The following SDSL variants were observed in gnomAD, a reference collection of about 807,000 sequenced individuals.
SDSL encodes the protein serine dehydratase like.
SDSL carries 26 observed loss-of-function variants against 27.6 expected under a neutral mutation model. That is an observed-to-expected ratio of 0.94 (90% CI 0.69 to 1.31). The LOEUF is 1.31. SDSL is among the 50% of genes most tolerant of loss of function. The pLI is 0.00. For missense variants in SDSL, 431 were observed against 423.5 expected (o/e 1.02, Z -0.16); for synonymous variants, 196 against 180.6 (o/e 1.09, Z -0.69).
intron 4 of SDSL, among the ~76,000 whole-genome samples, chr12:113,432,955 T>C (rs1460262344): frequency 6.6e-6 from 1 of 152,228 alleles, no homozygotes. Flanking sequence ...TCTTTGCTAT[T>C]GTGAGTACTG....
chr12:113,425,634 A>G (rs1291131391), intron 1 of SDSL: 4 of 451,586 alleles, frequency 8.9e-6, no homozygotes, highest in South Asian at 1.6e-5. Context: ...CCTCCCTCTC[A>G]TTTCCTCCAT....
At chr12:113,435,616 G>T in intron 6 of SDSL, 60 bp downstream of exon 6, 1 of 1,426,276 alleles carries the variant, frequency 7.0e-7, no homozygotes, top group Non-Finnish European at 9.7e-7. Context: ...CTGTCCTAGG[G>T]CCTTCCAGTC....
At chr12:113,425,808 T>C (rs756057844) in intron 1 of SDSL, 2 of 438,228 alleles carry the variant, frequency 4.6e-6, no homozygotes, top group South Asian at 3.2e-5. Context: ...GCCAACATGG[T>C]GAAACCCCGT....
chr12:113,432,445 G>A (rs1465357540), intron 4 of SDSL, among the ~76,000 whole-genome samples: 1 of 151,872 alleles, frequency 6.6e-6, no homozygotes, highest in Non-Finnish European at 1.5e-5. Flanking sequence ...GGGTTCAAGC[G>A]ATTCCGCTGC....
chr12:113,428,611 C>A, intron 3 of SDSL, 152 bp downstream of exon 3: 1 of 650,094 alleles, frequency 1.5e-6, no homozygotes. Context: ...CCATCCTAGC[C>A]TTCTCCCATA....
rs151288067 is a variant in SDSL at position 113,433,750 on chromosome 12, C to A, written c.355-384C>A. ...GGGCCATTGCTGGTTTCCACGGACA[C>A]ACTCTATGGTGACCAAGTTGCTATC... On this transcript the variant is annotated intron_variant, in intron 4 of 7. Coordinates refer to ENST00000403593, the MANE Select transcript of SDSL (RefSeq NM_001304993.2). Among the ~76,000 whole-genome samples the A allele has an allele frequency of 1.9e-3, 283 of 152,292 alleles. 1 individual carries two copies. Among genetic ancestry groups the A allele is most frequent in the South Asian group, 0.014 (68 of 4,824 alleles).
intron 1 of SDSL, chr12:113,425,884 G>A (rs1456425497): frequency 2.6e-6 from 1 of 378,994 alleles, no homozygotes; most frequent in East Asian, 7.3e-5. Context: ...AGTTACTCGG[G>A]AGGCTGAGGC....
In SDSL at chr12:113,434,174, A is replaced by G; in HGVS notation, c.395A>G (p.Lys132Arg). The G allele has an allele frequency of 6.2e-7, 1 of 1,613,832 alleles. No homozygotes were observed. The highest frequency in any genetic ancestry group is 8.5e-7 in the Non-Finnish European group (1 of 1,179,806). Reference protein sequence around the residue: ...EANLRAQELAKRDGWENVPPF... With the variant: ...EANLRAQELARRDGWENVPPF... ...AATCTGAGGGCGCAAGAGTTGGCCA[A>G]GAGGGACGGCTGGGAGAATGTCCCC... The change falls in exon 5 of 8, where the codon AAG becomes AGG. Residue 132 changes from lysine to arginine, a missense_variant. By Grantham distance (26) the Lys-to-Arg change is conservative. Coordinates refer to ENST00000403593, the MANE Select transcript of SDSL (RefSeq NM_001304993.2).
chr12:113,428,920 G>T (rs1593310685), intron 3 of SDSL, among the ~76,000 whole-genome samples: 10 of 141,180 alleles, frequency 7.1e-5, no homozygotes, highest in Admixed American at 2.9e-4. Context: ...TCCTGGAATT[G>T]TTTTTTTTTT....
Position 113,435,541 on chromosome 12 carries a change from T to C in SDSL, c.656T>C (p.Leu219Pro), listed in dbSNP as rs761830511. Reference sequence around the variant, plus strand: ...ATCACAGCCGGCAAGCTGGTCACACTTCCAGACATCACCAGGTGGGTAAGG... The same window carrying C: ...ATCACAGCCGGCAAGCTGGTCACACCTCCAGACATCACCAGGTGGGTAAGG... ...AAITAGKLVTLPDITSVAKSL... is the reference protein window; with the variant it reads ...AAITAGKLVTPPDITSVAKSL... The change falls in exon 6 of 8, where the codon CTT (leucine) becomes CCT (proline). Residue 219 changes from leucine (L) to proline (P), a missense_variant. Physicochemically the swap from Leu to Pro is moderately conservative, Grantham distance 98. Transcript: ENST00000403593. The C allele has an allele frequency of 6.2e-7, 1 of 1,613,468 alleles. No homozygotes were observed. Among genetic ancestry groups the C allele is most frequent in the Non-Finnish European group, 8.5e-7 (1 of 1,179,626 alleles).
intron 4 of SDSL, among the ~76,000 whole-genome samples, chr12:113,429,888 T>C (rs1036015484): frequency 1.3e-5 from 2 of 152,048 alleles, no homozygotes; most frequent in Non-Finnish European, 2.9e-5. Flanking sequence ...TTCCTGTATA[T>C]AGTTTCTTCC....
At chr12:113,436,476 C>T (rs909928852) in intron 6 of SDSL, among the ~76,000 whole-genome samples, 7 of 152,066 alleles carry the variant, frequency 4.6e-5, no homozygotes, top group African/African-American at 1.4e-4. Context: ...TTAGTAGAGA[C>T]GGGGTTTCAC....
intron 1 of SDSL, chr12:113,425,607 T>C (rs927203128): frequency 4.4e-6 from 2 of 452,766 alleles, no homozygotes; most frequent in Admixed American, 2.4e-5. Context: ...TTTCCTTTTT[T>C]TTTCTCTACT....
At position 113,429,185 on chromosome 12, in the gene SDSL, C is replaced by T. The variant is rs1344353179; in HGVS notation, c.240C>T (p.Ala80=). 18 of 1,613,830 alleles carry T rather than the reference C, an allele frequency of 1.1e-5. No homozygotes were observed. The highest frequency in any genetic ancestry group is 2.2e-5 in the East Asian group (1 of 44,862). ...GGGGTAATGCGGGCATCGCTGCTGC[C>T]TATGCTGCTAGGAAGCTGGGCATTC... is the stretch of plus-strand genomic sequence containing the variant. ...SSGGNAGIAA[A]YAARKLGIPA... The change falls in exon 4 of 8, where the codon GCC becomes GCT. Residue 80 remains alanine, a synonymous_variant. Transcript: ENST00000403593.
Position 113,436,639 on chromosome 12 carries a change from C to T in SDSL, c.672-112C>T, listed in dbSNP as rs573739177. On this transcript the variant is annotated intron_variant, in intron 6 of 7. Transcript: ENST00000403593. ...CTCTGTGACTTATAATGCTGAGCTC[C>T]AACCAGCCCATGGCAGGATGGGAGG... 801 of 1,174,656 alleles carry T rather than the reference C, an allele frequency of 6.8e-4. 2 individuals are homozygous for T. Among genetic ancestry groups the T allele is most frequent in the Non-Finnish European group, 8.7e-4 (767 of 879,226 alleles). 72.8% of individuals were successfully genotyped at this position (1,174,656 alleles called of 1,614,324 possible). A position where few individuals can be genotyped will look rare whatever the true frequency, so the allele number is the denominator to read the frequency against.
At chr12:113,433,631 C>T (rs1264328488) in intron 4 of SDSL, among the ~76,000 whole-genome samples, 1 of 152,216 alleles carries the variant, frequency 6.6e-6, no homozygotes. Context: ...AGAAAACTCA[C>T]CCCTGCTGTG....
At position 113,435,369 on chromosome 12, in the gene SDSL, C is replaced by T. The variant is rs575794237; in HGVS notation, c.484C>T (p.Leu162=). The change falls in exon 6 of 8, where the codon CTG becomes TTG. Residue 162 remains leucine, a synonymous_variant. Transcript: ENST00000403593. ...ASLVQELKAV[L]RTPPGALVLA... The stretch of plus-strand genomic sequence containing the variant: ...CCTGGTGCAGGAGCTGAAAGCAGTG[C>T]TGAGGACCCCACCAGGTGCCCTGGT... The T allele has an allele frequency of 8.2e-6, 13 of 1,591,834 alleles. No individual in the cohort carries two copies. The highest frequency in any genetic ancestry group is 1.3e-5 in the African/African-American group (1 of 74,640).
At chr12:113,425,322 T>G (rs988366139) in intron 1 of SDSL, among the ~76,000 whole-genome samples, 6 of 152,002 alleles carry the variant, frequency 3.9e-5, no homozygotes, top group Non-Finnish European at 7.4e-5. Context: ...GTGCCCTGGG[T>G]GGGACTGGGA....
rs1380140274 is a variant in SDSL, at chr12:113,429,174, A to G, written c.229A>G (p.Ile77Val). ...LVCSSGGNAG[I>V]AAAYAARKLG... is the part of the protein sequence containing the mutation. ...TTTCTGCACAGGGGGTAATGCGGGCATCGCTGCTGCCTATGCTGCTAGGAA... is the reference window on the plus strand; with the variant it reads ...TTTCTGCACAGGGGGTAATGCGGGCGTCGCTGCTGCCTATGCTGCTAGGAA... Residue 77 changes from isoleucine (I) to valine (V), a missense_variant, in exon 4 of 8, where the codon ATC becomes GTC. By Grantham distance (29) the Ile-to-Val change is conservative. Transcript: ENST00000403593. The G allele has an allele frequency of 1.9e-6, 3 of 1,613,286 alleles. No individual in the cohort carries two copies. Among genetic ancestry groups the G allele is most frequent in the African/African-American group, 2.7e-5 (2 of 74,896 alleles).
Sources: allele counts gnomAD v4.1 joint callset (sites outside exome capture counted in the v4.1 genomes callset), GRCh38; gene constraint gnomAD v4.1.1; transcripts MANE v1.5; gene names NCBI Gene and HGNC (gene_info 2026-07-23, HGNC 2026-07-21).